CLOCK: variants seen among roughly 807,000 people sequenced by gnomAD.
CLOCK encodes the protein clock circadian regulator.
A neutral mutation model predicts 118.4 loss-of-function variants in CLOCK; 43 were observed. The ratio of observed to expected loss-of-function variants is 0.36; its 90% CI spans 0.28 to 0.47. The LOEUF (loss-of-function observed/expected upper bound fraction) is 0.47, where lower values mean the gene tolerates loss of function less well. CLOCK is among the 20% of genes least tolerant of loss of function. CLOCK has a pLI of 1.00. For missense variants in CLOCK, 846 were observed against 999.9 expected, an observed-to-expected ratio of 0.85 and a Z score of 2.08; for synonymous variants, 326 against 339.2, an observed-to-expected ratio of 0.96 and a Z score of 0.43.
chr4:55,443,735 T>A lies in CLOCK; in HGVS notation c.1854A>T (p.Thr618=). 1 of 1,614,148 alleles carries A rather than the reference T, an allele frequency of 6.2e-7. No individual in the cohort carries two copies. The highest frequency in any genetic ancestry group is 8.5e-7 in the Non-Finnish European group (1 of 1,180,004). ...TCTGTTGTTGTATCATGTGCTGAGT[T>A]GTGCCAATGTGTCCAGTATTCATTC... ...QSGMNTGHIG[T]TQHMIQQQTL... The change falls in exon 20 of 23, where the codon ACA becomes ACT. Residue 618 remains threonine, a synonymous_variant. Coordinates refer to ENST00000513440, the MANE Select transcript of CLOCK (RefSeq NM_004898.4).
rs1725672191 is a variant in CLOCK, at chr4:55,465,446, CCTAT to C, written c.439-1645_439-1642del. Reference sequence around the variant, plus strand: ...TTGCCCTATAGCTGAATAAAAGGGGCCTATCTCTTACACCTTTATCTTTCTCACT... The same window carrying C: ...TTGCCCTATAGCTGAATAAAAGGGGCCTCTTACACCTTTATCTTTCTCACT... On this transcript the variant is annotated intron_variant, in intron 8 of 22. Coordinates refer to ENST00000513440, the MANE Select transcript of CLOCK (RefSeq NM_004898.4). Among the ~76,000 whole-genome samples, 3 of 152,134 alleles carry C rather than the reference CCTAT, an allele frequency of 2.0e-5. No homozygotes were observed. The South Asian group carries it at 6.2e-4, about 32-fold the overall frequency.
chr4:55,453,628 C>T (rs1724670129), intron 14 of CLOCK, 49 bp downstream of exon 14: 1 of 1,551,800 alleles, frequency 6.4e-7, no homozygotes, highest in Non-Finnish European at 8.9e-7. Flanking sequence ...ATGCCAAAAT[C>T]ATCATAGGAT....
intron 18 of CLOCK, among the ~76,000 whole-genome samples, chr4:55,446,845 G>A (rs1723891797): frequency 6.6e-6 from 1 of 152,148 alleles, no homozygotes; most frequent in Admixed American, 6.5e-5. Context: ...ACAGTGAACT[G>A]TATGTAAAAG....
At chr4:55,513,428 C>T (rs79632658) in intron 1 of CLOCK, among the ~76,000 whole-genome samples, 4,103 of 152,170 alleles carry the variant, frequency 0.027, 195 homozygotes, top group African/African-American at 0.094. Context: ...GAATGTATCC[C>T]TGTCATTAAG....
In CLOCK at chr4:55,442,526, C is replaced by A; in HGVS notation, c.2011G>T (p.Ala671Ser). The change falls in exon 21 of 23, where the codon GCA (alanine) becomes TCA (serine). Residue 671 changes from alanine to serine, a missense_variant. Physicochemically the swap from Ala to Ser is moderately conservative, Grantham distance 99 (BLOSUM62 1). Around this residue, in one of 4 missense-constraint regions of CLOCK, gnomAD observed 520 missense variants for 558.0 expected, o/e 0.93. Transcript: ENST00000513440. ...GGAATCTGGACCATGCTTCCGGCTG[C>A]AGGCTGAGAAATCACCATAGTGTTA... ...LYNTMVISQP[A>S]AGSMVQIPSS... 1.2e-6 allele frequency: 2 copies of A among 1,609,766 alleles called. No individual in the cohort carries two copies. The highest frequency in any genetic ancestry group is 1.7e-6 in the Non-Finnish European group (2 of 1,179,354).
intron 1 of CLOCK, among the ~76,000 whole-genome samples, chr4:55,543,521 G>A (rs944075158): frequency 1.3e-5 from 2 of 152,206 alleles, no homozygotes; most frequent in African/African-American, 2.4e-5. Context: ...AAGGGTATAC[G>A]AGTAGCTGTG....
chr4:55,432,904 G>C lies in CLOCK; in HGVS notation c.*2511C>G, dbSNP rs562519932. The C allele has an allele frequency of 6.5e-6, 1 of 152,768 alleles. No individual in the cohort carries two copies. Among genetic ancestry groups the C allele is most frequent in the South Asian group, 2.1e-4 (1 of 4,832 alleles). The allele number at this position is 152,768 out of a possible 1,614,324, so 9.5% of individuals were successfully genotyped here. On this transcript the variant is annotated 3_prime_UTR_variant, in exon 23 of 23. Coordinates refer to ENST00000513440, the MANE Select transcript of CLOCK (RefSeq NM_004898.4). ...AAGGGGCTGGAGTAGGACAATGTGA[G>C]TAAACAGTTTAGACGTTTACCTGGG...
intron 8 of CLOCK, among the ~76,000 whole-genome samples, chr4:55,468,763 G>A (rs1164054658): frequency 6.6e-6 from 1 of 152,186 alleles, no homozygotes; most frequent in Non-Finnish European, 1.5e-5. Context: ...GTTAGCATTA[G>A]AATAAAGAAG....
At chr4:55,467,305 A>T (rs775708813) in intron 8 of CLOCK, among the ~76,000 whole-genome samples, 48 of 152,178 alleles carry the variant, frequency 3.2e-4, no homozygotes, top group South Asian at 4.1e-4. Context: ...ACATTCAACA[A>T]ATAATCACTG....
At chr4:55,539,001 G>A (rs1358293564) in intron 1 of CLOCK, among the ~76,000 whole-genome samples, 1 of 152,180 alleles carries the variant, frequency 6.6e-6, no homozygotes, top group Non-Finnish European at 1.5e-5. Context: ...GGAGGCCAAG[G>A]TGGGCAGATC....
In CLOCK at chr4:55,459,211, G is replaced by C. The variant is rs780163618; in HGVS notation, c.610C>G (p.Pro204Ala). 5 of 1,612,492 alleles carry C rather than the reference G, an allele frequency of 3.1e-6. No individual in the cohort carries two copies. In the East Asian group the frequency reaches 1.1e-4, roughly 36 times the overall value. Reference protein sequence around the residue: ...CCHMLRGTIDPKEPSTYEYVK... With the variant: ...CCHMLRGTIDAKEPSTYEYVK... ...TATTCATAGGTAGATGGCTCCTTTG[G>C]GTCTATTGTTCCTCGCAGCATGTGA... Residue 204 changes from proline to alanine, a missense_variant, in exon 10 of 23, where the codon CCA (proline) becomes GCA (alanine). Around this residue, in one of 4 missense-constraint regions of CLOCK, gnomAD observed 246 missense variants for 300.2 expected, o/e 0.82. Coordinates refer to ENST00000513440, the MANE Select transcript of CLOCK (RefSeq NM_004898.4).
At chr4:55,463,610 T>A in intron 9 of CLOCK, 75 bp downstream of exon 9, 1 of 1,520,080 alleles carries the variant, frequency 6.6e-7, no homozygotes, top group Non-Finnish European at 9.1e-7. Context: ...GAAGTCTGTA[T>A]TTTTCATAAA....
chr4:55,465,434 G>A (rs1395889104), intron 8 of CLOCK, among the ~76,000 whole-genome samples: 1 of 152,122 alleles, frequency 6.6e-6, no homozygotes, highest in Non-Finnish European at 1.5e-5. Context: ...CCCTATAGCT[G>A]AATAAAAGGG....
At chr4:55,456,194 C>T in intron 12 of CLOCK, 24 bp downstream of exon 12, 1 of 1,509,450 alleles carries the variant, frequency 6.6e-7, no homozygotes, top group Non-Finnish European at 9.2e-7. Flanking sequence ...ATTACCTTTT[C>T]ATGGAATTTA....
intron 6 of CLOCK, among the ~76,000 whole-genome samples, chr4:55,477,078 G>A (rs569571091): frequency 6.6e-6 from 1 of 151,982 alleles, no homozygotes; most frequent in Admixed American, 6.6e-5. Flanking sequence ...ATATACATTT[G>A]GGAAAAGGAT....
At chr4:55,539,767 G>C (rs1487954603) in intron 1 of CLOCK, among the ~76,000 whole-genome samples, 1 of 151,694 alleles carries the variant, frequency 6.6e-6, no homozygotes, top group Non-Finnish European at 1.5e-5. Flanking sequence ...ATTACACAGA[G>C]ATGAGAATGT....
chr4:55,500,088 T>C (rs1414702672), intron 2 of CLOCK, among the ~76,000 whole-genome samples: 2 of 152,102 alleles, frequency 1.3e-5, no homozygotes, highest in African/African-American at 4.8e-5. Context: ...CTTTGTCCTA[T>C]GACTAGAAAT....
chr4:55,504,884 C>T (rs1560463854), intron 2 of CLOCK, among the ~76,000 whole-genome samples: 1 of 151,948 alleles, frequency 6.6e-6, no homozygotes, highest in Non-Finnish European at 1.5e-5. Flanking sequence ...TTATTAAATC[C>T]AGCAAAGAAT....
Position 55,468,459 on chromosome 4 carries a change from G to A in CLOCK, c.438+2258C>T, listed in dbSNP as rs137967573. On this transcript the variant is annotated intron_variant, in intron 8 of 22. Transcript: ENST00000513440. ...AGAAAAAAAGTAAGCACATAAACCA[G>A]GTATTCACCATCCTAATGAAACAAA... 1.5e-3 allele frequency among the ~76,000 whole-genome samples: 229 copies of A among 152,146 alleles called. 1 individual carries two copies. Among genetic ancestry groups the A allele is most frequent in the African/African-American group, 4.8e-3 (201 of 41,510 alleles).
Sources: gnomAD v4.1 joint callset for allele counts (sites outside exome capture counted in the v4.1 genomes callset) on GRCh38, gnomAD v4.1.1 for gene constraint, gnomAD v4.1.1 regional missense constraint, MANE v1.5 for transcripts, NCBI Gene and HGNC (gene_info 2026-07-23, HGNC 2026-07-21) for gene names.